DNAAF9: variants seen among roughly 807,000 people sequenced by gnomAD.
The protein encoded by DNAAF9 is shulin.
Under a neutral mutation model 167.0 loss-of-function variants are expected in DNAAF9, and 90 were observed. That is an observed-to-expected ratio of 0.54 (90% confidence interval 0.45 to 0.64). The LOEUF is 0.64. Among genes scored for constraint, DNAAF9 ranks in the 30% least tolerant of loss-of-function variants. The pLI is 0.00. For synonymous variants in DNAAF9, 491 were observed against 508.8 expected, an observed-to-expected ratio of 0.96 and a Z score of 0.47; for missense variants, 1,315 against 1,442.2, an observed-to-expected ratio of 0.91 and a Z score of 1.43.
At chr20:3,279,027 A>G (rs1600695764) in intron 28 of DNAAF9, 78 bp from the exon 29 acceptor site, 1 of 1,030,176 alleles carries the variant, frequency 9.7e-7, no homozygotes, top group East Asian at 2.4e-5. Context: ...TACAAATAGG[A>G]GTACCACTGA....
At chr20:3,284,494 C>T (rs940758210) in intron 27 of DNAAF9, among the ~76,000 whole-genome samples, 8 of 145,250 alleles carry the variant, frequency 5.5e-5, no homozygotes, top group Non-Finnish European at 6.1e-5. Flanking sequence ...CAGCTTGTAC[C>T]GGACCACTCT....
intron 23 of DNAAF9, chr20:3,295,427 C>G: frequency 4.0e-6 from 1 of 250,476 alleles, no homozygotes; most frequent in Non-Finnish European, 7.7e-6. Context: ...TGATCCACCA[C>G]CTCGGCCTCC....
rs139232720 is a variant in DNAAF9 at position 3,293,186 on chromosome 20, G to A, written c.2238+953C>T. On this transcript the variant is annotated intron_variant, in intron 25 of 36. Coordinates refer to ENST00000252032, the MANE Select transcript of DNAAF9 (RefSeq NM_001009984.3). The stretch of plus-strand genomic sequence containing the variant: ...CGCATGCCTGTAATCCCAGCTACTC[G>A]GGATGCTGAGGCAGGAGAATCCCTT... 5.0e-3 allele frequency among the ~76,000 whole-genome samples: 729 copies of A among 146,486 alleles called. 2 individuals carry two copies. Among genetic ancestry groups the A allele is most frequent in the Middle Eastern group, 7.5e-3 (2 of 268 alleles).
At chr20:3,269,143 G>A (rs2068544571) in intron 30 of DNAAF9, among the ~76,000 whole-genome samples, 1 of 151,034 alleles carries the variant, frequency 6.6e-6, no homozygotes, top group Non-Finnish European at 1.5e-5. Flanking sequence ...TCCTGACCTT[G>A]TGATCCGCCT....
intron 23 of DNAAF9, chr20:3,296,225 C>T (rs900306132): frequency 1.6e-5 from 8 of 510,806 alleles, no homozygotes; most frequent in Non-Finnish European, 3.1e-5. Flanking sequence ...GCCAGGACCG[C>T]ACCACTGCAC....
rs765194129 is a variant in DNAAF9, at chr20:3,256,065, T to G, written c.3202A>C (p.Ile1068Leu). The change falls in exon 34 of 37, where the codon ATC (isoleucine) becomes CTC (leucine). Residue 1068 changes from isoleucine (I) to leucine (L), a missense_variant. Physicochemically the swap from Ile to Leu is conservative, Grantham distance 5. Coordinates refer to ENST00000252032, the MANE Select transcript of DNAAF9 (RefSeq NM_001009984.3). ...SGQQECYLVF[I>L]GCSLKEDSIK... ...CTGTCTTCCTTCAGGGAGCAGCCGA[T>G]GAACACAAGGTAGCACTCCTGCTGC... 6.2e-7 allele frequency: 1 copy of G among 1,614,142 alleles called. No individual in the cohort carries two copies.
At chr20:3,274,620 T>C (rs191100918) in intron 29 of DNAAF9, among the ~76,000 whole-genome samples, 2 of 152,338 alleles carry the variant, frequency 1.3e-5, no homozygotes, top group Admixed American at 1.3e-4. Flanking sequence ...CTCTGTAAGA[T>C]GGGAACCGTA....
At position 3,350,426 on chromosome 20, in the gene DNAAF9, G is replaced by C. The variant is rs563892291; in HGVS notation, c.691-1803C>G. On this transcript the variant is annotated intron_variant, in intron 7 of 36. Coordinates refer to ENST00000252032, the MANE Select transcript of DNAAF9 (RefSeq NM_001009984.3). ...AAAAAAAAATGTGTGTGTGTATACA[G>C]GTATCTTATCTATCTATCTATATAT... Among the ~76,000 whole-genome samples, 16 of 152,126 alleles carry C rather than the reference G, an allele frequency of 1.1e-4. No homozygotes were observed. In the South Asian group the frequency reaches 2.3e-3, roughly 22 times the overall value.
intron 1 of DNAAF9, among the ~76,000 whole-genome samples, chr20:3,393,841 G>A (rs1201470320): frequency 6.6e-6 from 1 of 152,144 alleles, no homozygotes; most frequent in Non-Finnish European, 1.5e-5. Flanking sequence ...TAAATTATGT[G>A]TTACCACTCT....
rs1555791160 is a variant in DNAAF9 at position 3,315,719 on chromosome 20, T to G, written c.1590+16A>C. ...TTTGATATAATGTTCACACTGAGAATAAGAAGGCTGCTTACCCTCACTGCT... is the reference window on the plus strand; with the variant it reads ...TTTGATATAATGTTCACACTGAGAAGAAGAAGGCTGCTTACCCTCACTGCT... On this transcript the variant is annotated intron_variant, in intron 19 of 36. Transcript: ENST00000252032. The surrounding 1 kb of genome is among the most constrained non-coding windows in gnomAD (Gnocchi z 4.1). 1 of 1,600,086 alleles carries G rather than the reference T, an allele frequency of 6.2e-7. No individual in the cohort carries two copies. The highest frequency in any genetic ancestry group is 1.1e-5 in the South Asian group (1 of 90,784).
rs774384942 is a variant in DNAAF9 at position 3,287,689 on chromosome 20, G to C, written c.2429C>G (p.Ser810Cys). 6.2e-6 allele frequency: 10 copies of C among 1,614,140 alleles called. No individual in the cohort carries two copies. Among genetic ancestry groups the C allele is most frequent in the Non-Finnish European group, 6.8e-6 (8 of 1,180,032 alleles). Residue 810 changes from serine to cysteine, a missense_variant, in exon 27 of 37, where the codon TCT (serine) becomes TGT (cysteine). By Grantham distance (112) the Ser-to-Cys change is moderately radical. Around this residue, in one of 2 missense-constraint regions of DNAAF9, gnomAD observed 981 missense variants for 1,012.5 expected, o/e 0.97. Coordinates refer to ENST00000252032, the MANE Select transcript of DNAAF9 (RefSeq NM_001009984.3). ...GCGGATGTAGGCTGACTGGCGCGCA[G>C]AGCGGTTCTGCTGGGCCTCTAGGGC... Reference protein sequence around the residue: ...SSALEAQQNRSARQSAYIRKK... With the variant: ...SSALEAQQNRCARQSAYIRKK...
At chr20:3,312,112 C>A (rs1444114563) in intron 20 of DNAAF9, among the ~76,000 whole-genome samples, 8 of 152,186 alleles carry the variant, frequency 5.3e-5, no homozygotes, top group Non-Finnish European at 1.0e-4. Context: ...CCTCAGCCTC[C>A]CGAGTAGCTG....
In DNAAF9 at chr20:3,294,125, G is replaced by C; in HGVS notation, c.2238+14C>G. ...TTCCTGTGAATTCCCAGCATATCTG[G>C]TGAGCTCCTCTACCTTGTCACTTTC... On this transcript the variant is annotated intron_variant, in intron 25 of 36. Transcript: ENST00000252032. 1 of 1,373,696 alleles carries C rather than the reference G, an allele frequency of 7.3e-7. No homozygotes were observed. The highest frequency in any genetic ancestry group is 1.0e-6 in the Non-Finnish European group (1 of 961,698). 85.1% of individuals were successfully genotyped at this position (1,373,696 alleles called of 1,614,324 possible).
intron 20 of DNAAF9, among the ~76,000 whole-genome samples, chr20:3,313,315 C>T (rs186668421): frequency 1.3e-5 from 2 of 152,228 alleles, no homozygotes; most frequent in East Asian, 3.8e-4. Flanking sequence ...AATGCCATTA[C>T]CACTCCAGCA....
At position 3,251,110 on chromosome 20, in the gene DNAAF9, A is replaced by G. The variant is rs2068187103; in HGVS notation, c.*1462T>C. The stretch of plus-strand genomic sequence containing the variant: ...TGATGCAAAATTTCTTATCAATGGT[A>G]TCTGGAGTTTTGTTCATTTGGCTTC... On this transcript the variant is annotated 3_prime_UTR_variant, in exon 37 of 37. Transcript: ENST00000252032. The G allele has an allele frequency of 3.4e-5, 5 of 148,556 alleles. No homozygotes were observed. The allele number at this position is 148,556 out of a possible 1,614,324, so 9.2% of individuals were successfully genotyped here. A position where few individuals can be genotyped will look rare whatever the true frequency, so the allele number is the denominator to read the frequency against.
intron 1 of DNAAF9, among the ~76,000 whole-genome samples, chr20:3,402,421 A>G (rs1206077129): frequency 2.0e-5 from 3 of 152,144 alleles, no homozygotes; most frequent in Admixed American, 2.0e-4. Context: ...GCATTTTTCA[A>G]GAATATATAA....
intron 3 of DNAAF9, among the ~76,000 whole-genome samples, chr20:3,377,684 T>C (rs563317347): frequency 4.6e-5 from 7 of 152,184 alleles, no homozygotes; most frequent in Non-Finnish European, 8.8e-5. Flanking sequence ...GGTCTCGAAC[T>C]CCTAAGCTCA....
chr20:3,370,442 AC>A (rs1305602807), intron 6 of DNAAF9, among the ~76,000 whole-genome samples: 2 of 138,164 alleles, frequency 1.4e-5, no homozygotes, highest in African/African-American at 5.8e-5. Context: ...ATGGAGTCTC[AC>A]ACTGTCGTCC....
At chr20:3,262,337 G>GC (rs1338995906) in intron 31 of DNAAF9, among the ~76,000 whole-genome samples, 2 of 148,488 alleles carry the variant, frequency 1.3e-5, no homozygotes, top group African/African-American at 5.0e-5. Context: ...TGCAAGCTTC[G>GC]CCTCCCGGGT....
Sources: gnomAD v4.1 joint callset for allele counts (sites outside exome capture counted in the v4.1 genomes callset) on GRCh38, gnomAD v4.1.1 for gene constraint, gnomAD v4.1.1 regional missense constraint, Gnocchi (gnomAD v3.1) non-coding constraint, MANE v1.5 for transcripts, NCBI Gene and HGNC (gene_info 2026-07-23, HGNC 2026-07-21) for gene names.